The following CHCHD3 variants were observed in gnomAD, a reference collection of about 807,000 sequenced individuals.
CHCHD3 encodes coiled-coil-helix-coiled-coil-helix domain containing 3.
A neutral mutation model predicts 38.2 loss-of-function variants in CHCHD3; 20 were observed. The observed-to-expected ratio is 0.52, with a 90% CI of 0.37 to 0.76. The LOEUF (loss-of-function observed/expected upper bound fraction) is 0.76, where lower values mean the gene tolerates loss of function less well. Among genes scored for constraint, CHCHD3 ranks in the 30% least tolerant of loss-of-function variants. The pLI, the probability that CHCHD3 is intolerant of heterozygous loss-of-function variation, is 0.00. For missense variants in CHCHD3, 245 were observed against 279.2 expected, an observed-to-expected ratio of 0.88 and a Z score of 0.87; for synonymous variants, 82 against 100.0, an observed-to-expected ratio of 0.82 and a Z score of 1.07.
intron 6 of CHCHD3, among the ~76,000 whole-genome samples, chr7:132,837,845 T>G (rs1807828095): frequency 6.6e-6 from 1 of 152,186 alleles, no homozygotes; most frequent in Non-Finnish European, 1.5e-5. Flanking sequence ...CACGGACACT[T>G]TGATCCATCA....
chr7:132,946,568 A>G (rs2117279508), intron 4 of CHCHD3, among the ~76,000 whole-genome samples: 1 of 152,022 alleles, frequency 6.6e-6, no homozygotes, highest in Non-Finnish European at 1.5e-5. Context: ...AAAAATTTAT[A>G]TCCAAAAATG....
intron 4 of CHCHD3, among the ~76,000 whole-genome samples, chr7:132,927,329 C>T (rs76308823): frequency 0.022 from 3,283 of 152,264 alleles, 145 homozygotes; most frequent in African/African-American, 0.074. Context: ...CACCAAGTCT[C>T]GGGAACCTCT....
At chr7:133,005,053 T>C (rs1011261362) in intron 3 of CHCHD3, among the ~76,000 whole-genome samples, 1 of 152,150 alleles carries the variant, frequency 6.6e-6, no homozygotes, top group Non-Finnish European at 1.5e-5. Context: ...AAAAGTAGAA[T>C]AGAAGCAGTA....
At chr7:132,814,627 T>C (rs1299504972) in intron 6 of CHCHD3, among the ~76,000 whole-genome samples, 1 of 152,220 alleles carries the variant, frequency 6.6e-6, no homozygotes, top group African/African-American at 2.4e-5. Flanking sequence ...TGACTGGCCT[T>C]TGTGAAGGAT....
At chr7:132,808,455 C>T (rs926163885) in intron 6 of CHCHD3, among the ~76,000 whole-genome samples, 6 of 152,144 alleles carry the variant, frequency 3.9e-5, no homozygotes, top group Non-Finnish European at 7.3e-5. Context: ...AAATGGATTT[C>T]GAGTCTCTTC....
At position 132,914,069 on chromosome 7, in the gene CHCHD3, C is replaced by T. The variant is rs371378061; in HGVS notation, c.370-28324G>A. On this transcript the variant is annotated intron_variant, in intron 4 of 7. Coordinates refer to ENST00000262570, the MANE Select transcript of CHCHD3 (RefSeq NM_017812.4). ...CTGCCTCTTGGGTTGAAGTGACACT[C>T]CTGTCTCAGCCTCCCGAGTAGCTGG... Among the ~76,000 whole-genome samples, 75 of 148,784 alleles carry T rather than the reference C, an allele frequency of 5.0e-4. 1 individual carries two copies. The East Asian group carries it at 0.015, about 29-fold the overall frequency.
At chr7:132,795,641 A>G (rs965942439) in intron 7 of CHCHD3, among the ~76,000 whole-genome samples, 1 of 152,220 alleles carries the variant, frequency 6.6e-6, no homozygotes, top group Non-Finnish European at 1.5e-5. Context: ...TAACTTAAAC[A>G]CTAGATTTAG....
Position 132,966,908 on chromosome 7 carries a change from C to T in CHCHD3, c.369+8261G>A, listed in dbSNP as rs118155302. On this transcript the variant is annotated intron_variant, in intron 4 of 7. Coordinates refer to ENST00000262570, the MANE Select transcript of CHCHD3 (RefSeq NM_017812.4). ...AGGAAATGAGATTATGATGTCAGTT[C>T]GATAAAATTCCAACAGACCAGGCAA... Among the ~76,000 whole-genome samples, 1,273 of 152,186 alleles carry T rather than the reference C, an allele frequency of 8.4e-3. 10 individuals carry two copies. The highest frequency in any genetic ancestry group is 0.066 in the South Asian group (316 of 4,812).
rs906066292 is a variant in CHCHD3 at position 132,976,848 on chromosome 7, G to GA, written c.252-1563dup. 9.0e-4 allele frequency among the ~76,000 whole-genome samples: 132 copies of GA among 146,412 alleles called. 1 individual carries two copies. Among genetic ancestry groups the GA allele is most frequent in the South Asian group, 4.3e-4 (2 of 4,606 alleles). ...GAATTCTCAGAAATCAACTACAACAGAAAAAAAAAAGTCACCTTGTGAGAT... is the reference window on the plus strand; with the variant it reads ...GAATTCTCAGAAATCAACTACAACAGAAAAAAAAAAAGTCACCTTGTGAGAT... On this transcript the variant is annotated intron_variant, in intron 3 of 7. Transcript: ENST00000262570.
At chr7:132,869,547 G>T (rs948334178) in intron 5 of CHCHD3, among the ~76,000 whole-genome samples, 3 of 152,018 alleles carry the variant, frequency 2.0e-5, no homozygotes, top group Non-Finnish European at 4.4e-5. Context: ...TGCCAAATTC[G>T]AAAGCAAATA....
chr7:132,854,799 T>C (rs1417816124), intron 5 of CHCHD3, among the ~76,000 whole-genome samples: 1 of 152,106 alleles, frequency 6.6e-6, no homozygotes, highest in East Asian at 1.9e-4. Flanking sequence ...CTGCTTATGA[T>C]CTACTGAGAT....
chr7:132,988,768 A>G (rs1781856559), intron 3 of CHCHD3, among the ~76,000 whole-genome samples: 1 of 151,970 alleles, frequency 6.6e-6, no homozygotes, highest in Non-Finnish European at 1.5e-5. Context: ...AAATTTTTTT[A>G]TCAGTCAGGT....
intron 2 of CHCHD3, among the ~76,000 whole-genome samples, chr7:133,049,489 A>C (rs1814088751): frequency 6.6e-6 from 1 of 152,212 alleles, no homozygotes. Context: ...TCCTACTTTG[A>C]AGACTATAAT....
intron 5 of CHCHD3, among the ~76,000 whole-genome samples, chr7:132,863,191 A>C (rs1180659906): frequency 6.6e-6 from 1 of 152,182 alleles, no homozygotes; most frequent in East Asian, 1.9e-4. Context: ...TATAATACGT[A>C]TTTCTTAAAT....
chr7:132,811,357 A>G (rs1807064115), intron 6 of CHCHD3, among the ~76,000 whole-genome samples: 1 of 152,216 alleles, frequency 6.6e-6, no homozygotes, highest in Non-Finnish European at 1.5e-5. Context: ...CGCTGTCCCA[A>G]CATGGTGGTC....
intron 3 of CHCHD3, among the ~76,000 whole-genome samples, chr7:132,988,842 G>A (rs1812196227): frequency 6.6e-6 from 1 of 151,990 alleles, no homozygotes; most frequent in Non-Finnish European, 1.5e-5. Flanking sequence ...TCACTTGACT[G>A]CAGGATTTGG....
At chr7:133,073,248 T>C (rs28505562) in intron 1 of CHCHD3, among the ~76,000 whole-genome samples, 1,562 of 152,214 alleles carry the variant, frequency 0.01, 31 homozygotes, top group African/African-American at 0.036. Flanking sequence ...ACATTTTATC[T>C]CTTTTGCAGC....
At chr7:132,825,177 A>T (rs1042858652) in intron 6 of CHCHD3, among the ~76,000 whole-genome samples, 4 of 152,210 alleles carry the variant, frequency 2.6e-5, no homozygotes, top group African/African-American at 9.6e-5. Flanking sequence ...GAGACCCTTG[A>T]TGAATGTATG....
intron 4 of CHCHD3, among the ~76,000 whole-genome samples, chr7:132,944,428 A>G (rs560496365): frequency 6.6e-4 from 100 of 151,952 alleles, no homozygotes; most frequent in African/African-American, 2.3e-3. Flanking sequence ...GGATAAAGAA[A>G]AAAAAAAAAG....
Sources: gnomAD v4.1 joint callset for allele counts (sites outside exome capture counted in the v4.1 genomes callset) on GRCh38, gnomAD v4.1.1 for gene constraint, MANE v1.5 for transcripts, NCBI Gene and HGNC (gene_info 2026-07-23, HGNC 2026-07-21) for gene names.